ST6GALNAC3: variants seen among roughly 807,000 people sequenced by gnomAD.
ST6GALNAC3 encodes alpha-N-acetylgalactosaminide alpha-2,6-sialyltransferase 3.
In ST6GALNAC3, 25 loss-of-function variants were observed where a neutral mutation model predicts 32.7. The ratio of observed to expected loss-of-function variants is 0.76; its 90% CI spans 0.56 to 1.07. The LOEUF (loss-of-function observed/expected upper bound fraction) is 1.07. ST6GALNAC3 is among the 50% of genes least tolerant of loss of function. The pLI, the probability that ST6GALNAC3 is intolerant of heterozygous loss-of-function variation, is 0.00. For missense variants in ST6GALNAC3, 355 were observed against 382.4 expected (o/e 0.93, Z 0.60); for synonymous variants, 129 against 133.1 (o/e 0.97, Z 0.21).
At chr1:76,393,670 G>C (rs1367544835) in intron 2 of ST6GALNAC3, among the ~76,000 whole-genome samples, 1 of 152,112 alleles carries the variant, frequency 6.6e-6, no homozygotes, top group African/African-American at 2.4e-5. Flanking sequence ...AAGTCCTGAA[G>C]GGAATCCTTC....
intron 3 of ST6GALNAC3, among the ~76,000 whole-genome samples, chr1:76,457,588 C>A (rs1263121949): frequency 6.6e-6 from 1 of 151,654 alleles, no homozygotes; most frequent in African/African-American, 2.4e-5. Flanking sequence ...CGCATATCTA[C>A]AACTATCTGA....
chr1:76,350,404 C>A (rs188766025), intron 2 of ST6GALNAC3, among the ~76,000 whole-genome samples: 89 of 152,158 alleles, frequency 5.8e-4, no homozygotes, highest in African/African-American at 1.9e-3. Flanking sequence ...ATTTACTAAG[C>A]ATTGGGTTCA....
At chr1:76,264,980 C>A (rs1658447317) in intron 1 of ST6GALNAC3, among the ~76,000 whole-genome samples, 1 of 149,694 alleles carries the variant, frequency 6.7e-6, no homozygotes, top group African/African-American at 2.5e-5. Flanking sequence ...GGCCTTTATT[C>A]CTCTGGATTA....
At chr1:76,479,040 G>A (rs1416769376) in intron 3 of ST6GALNAC3, among the ~76,000 whole-genome samples, 4 of 152,034 alleles carry the variant, frequency 2.6e-5, no homozygotes, top group Admixed American at 6.5e-5. Context: ...TGGGATTACA[G>A]GCGTAACCCA....
At chr1:76,121,497 A>G (rs1420964289) in intron 1 of ST6GALNAC3, among the ~76,000 whole-genome samples, 2 of 152,092 alleles carry the variant, frequency 1.3e-5, no homozygotes, top group Admixed American at 6.6e-5. Context: ...CGGGCAGATC[A>G]TGAGATCAGG....
At chr1:76,127,826 C>T (rs1553157301) in intron 1 of ST6GALNAC3, among the ~76,000 whole-genome samples, 1 of 152,146 alleles carries the variant, frequency 6.6e-6, no homozygotes, top group Non-Finnish European at 1.5e-5. Context: ...GCTCTCACCA[C>T]CAGGTAGGTG....
intron 3 of ST6GALNAC3, among the ~76,000 whole-genome samples, chr1:76,544,100 TGAA>T (rs1664153134): frequency 7.2e-6 from 1 of 138,492 alleles, no homozygotes; most frequent in Admixed American, 7.4e-5. Flanking sequence ...TATATATATA[TGAA>T]ATTTAAATTG....
intron 1 of ST6GALNAC3, among the ~76,000 whole-genome samples, chr1:76,188,348 C>CAAG (rs1449627789): frequency 6.6e-6 from 1 of 151,860 alleles, no homozygotes; most frequent in Non-Finnish European, 1.5e-5. Flanking sequence ...GATGACAGAG[C>CAAG]AAGACTCCAT....
At chr1:76,544,234 A>G (rs1244942242) in intron 3 of ST6GALNAC3, among the ~76,000 whole-genome samples, 2 of 152,136 alleles carry the variant, frequency 1.3e-5, no homozygotes, top group Admixed American at 6.6e-5. Flanking sequence ...CTTCCACTGA[A>G]CAAATCTCAG....
chr1:76,123,255 C>A (rs1649005398), intron 1 of ST6GALNAC3, among the ~76,000 whole-genome samples: 2 of 151,738 alleles, frequency 1.3e-5, no homozygotes, highest in South Asian at 4.2e-4. Context: ...GCCTGTAATC[C>A]CATCTACCAG....
intron 1 of ST6GALNAC3, among the ~76,000 whole-genome samples, chr1:76,236,253 A>T (rs1656653921): frequency 6.6e-6 from 1 of 152,136 alleles, no homozygotes; most frequent in East Asian, 1.9e-4. Flanking sequence ...CGACCAACCT[A>T]ATTTTAATAT....
At chr1:76,501,950 A>C (rs2101727651) in intron 3 of ST6GALNAC3, among the ~76,000 whole-genome samples, 1 of 152,310 alleles carries the variant, frequency 6.6e-6, no homozygotes, top group East Asian at 1.9e-4. Context: ...TCTCCTCTTC[A>C]ATGTTCCCAC....
intron 1 of ST6GALNAC3, among the ~76,000 whole-genome samples, chr1:76,267,610 TA>T (rs1239016383): frequency 2.0e-5 from 3 of 152,190 alleles, no homozygotes; most frequent in Non-Finnish European, 4.4e-5. Context: ...TGAAAAAATA[TA>T]TATTTTCTGA....
At chr1:76,314,154 G>A (rs1363284465) in intron 2 of ST6GALNAC3, among the ~76,000 whole-genome samples, 155 bp downstream of exon 2, 1 of 152,012 alleles carries the variant, frequency 6.6e-6, no homozygotes, top group Non-Finnish European at 1.5e-5. Context: ...ATTATTCTTA[G>A]ACATTTACTG....
At chr1:76,331,523 T>C (rs1570855990) in intron 2 of ST6GALNAC3, among the ~76,000 whole-genome samples, 2 of 152,224 alleles carry the variant, frequency 1.3e-5, no homozygotes, top group East Asian at 1.9e-4. Context: ...ATAACCATCA[T>C]TGCCTAAGTG....
intron 1 of ST6GALNAC3, among the ~76,000 whole-genome samples, chr1:76,289,399 T>A (rs539607077): frequency 6.6e-6 from 1 of 152,318 alleles, no homozygotes; most frequent in South Asian, 2.1e-4. Flanking sequence ...GTGCTTCCGA[T>A]TACTCATGTT....
Position 76,541,473 on chromosome 1 carries a change from A to G in ST6GALNAC3, c.624-85979A>G, listed in dbSNP as rs139784938. Among the ~76,000 whole-genome samples the G allele has an allele frequency of 3.8e-3, 580 of 152,362 alleles. 4 individuals are homozygous for G. Among genetic ancestry groups the G allele is most frequent in the Non-Finnish European group, 5.5e-3 (373 of 68,042 alleles). Reference sequence around the variant, plus strand: ...GATCTCCACACCGCATCTTCCTCCTAAAATATTTACTGATTATCTGCATTC... The same window carrying G: ...GATCTCCACACCGCATCTTCCTCCTGAAATATTTACTGATTATCTGCATTC... On this transcript the variant is annotated intron_variant, in intron 3 of 4. Transcript: ENST00000328299.
At chr1:76,335,430 AAC>A (rs60059592) in intron 2 of ST6GALNAC3, among the ~76,000 whole-genome samples, 51,983 of 145,190 alleles carry the variant, frequency 0.36, 9,114 homozygotes, top group Admixed American at 0.42. Flanking sequence ...CATCACAGGG[AAC>A]ACACACACAC....
chr1:76,192,841 C>A (rs1244210120), intron 1 of ST6GALNAC3, among the ~76,000 whole-genome samples: 1 of 152,088 alleles, frequency 6.6e-6, no homozygotes, highest in Non-Finnish European at 1.5e-5. Context: ...AAGAGCCTGA[C>A]CTTATGAATT....
Sources: allele counts gnomAD v4.1 joint callset (sites outside exome capture counted in the v4.1 genomes callset), GRCh38; gene constraint gnomAD v4.1.1; transcripts MANE v1.5; gene names NCBI Gene and HGNC (gene_info 2026-07-23, HGNC 2026-07-21).